Variants in ROBO2 observed in about 807,000 individuals in gnomAD.
ROBO2 encodes the protein roundabout guidance receptor 2.
ROBO2 carries 53 observed loss-of-function variants against 160.8 expected under a neutral mutation model. The ratio of observed to expected loss-of-function variants is 0.33; its 90% CI spans 0.26 to 0.41. The LOEUF (loss-of-function observed/expected upper bound fraction) is 0.41, where lower values mean the gene tolerates loss of function less well. Among genes scored for constraint, ROBO2 ranks in the 10% least tolerant of loss-of-function variants. The probability of loss-of-function intolerance (pLI) is 1.00; values close to 1 mark genes in which losing one functional copy is unlikely to be tolerated. For synonymous variants in ROBO2, 664 were observed against 611.7 expected (o/e 1.09, Z -1.26); for missense variants, 1,577 against 1,722.4 (o/e 0.92, Z 1.49).
chr3:76,075,090 G>A (rs1220269934), intron 2 of ROBO2, among the ~76,000 whole-genome samples: 2 of 152,018 alleles, frequency 1.3e-5, no homozygotes, highest in Non-Finnish European at 2.9e-5. Context: ...ATCCTGCTGA[G>A]TTCTTTGTTG....
At chr3:76,805,519 A>G (rs1411622450) in intron 2 of ROBO2, among the ~76,000 whole-genome samples, 2 of 152,090 alleles carry the variant, frequency 1.3e-5, no homozygotes, top group Admixed American at 1.3e-4. Flanking sequence ...ACACATATGT[A>G]TATATGTAGA....
intron 2 of ROBO2, among the ~76,000 whole-genome samples, chr3:76,273,485 T>C (rs982643278): frequency 6.6e-6 from 1 of 152,070 alleles, no homozygotes; most frequent in African/African-American, 2.4e-5. Flanking sequence ...AGAGGTTTAA[T>C]TGACTCACAG....
intron 2 of ROBO2, among the ~76,000 whole-genome samples, chr3:76,118,947 T>C (rs2070598935): frequency 6.6e-6 from 1 of 152,108 alleles, no homozygotes; most frequent in Non-Finnish European, 1.5e-5. Context: ...AGGGAAAACT[T>C]TATGTTAGCA....
chr3:77,317,238 A>C, intron 2 of ROBO2: 1 of 801,070 alleles, frequency 1.2e-6, no homozygotes, highest in Non-Finnish European at 2.2e-6. Flanking sequence ...AGCCCAGGTT[A>C]ATGTGCTCCC....
chr3:75,925,731 A>G (rs1361301090), intron 1 of ROBO2, among the ~76,000 whole-genome samples: 2 of 152,188 alleles, frequency 1.3e-5, no homozygotes, highest in Admixed American at 6.5e-5. Flanking sequence ...TATGTGTGGG[A>G]CATTATGTTA....
chr3:75,977,180 T>G (rs917358428), intron 2 of ROBO2, among the ~76,000 whole-genome samples: 2 of 151,730 alleles, frequency 1.3e-5, no homozygotes, highest in East Asian at 3.9e-4. Flanking sequence ...AAGGGAATTC[T>G]CACCTGGCCT....
intron 2 of ROBO2, among the ~76,000 whole-genome samples, chr3:76,996,482 TGTGATGAAA>T (rs1489400624): frequency 2.0e-5 from 3 of 152,198 alleles, no homozygotes; most frequent in Middle Eastern, 6.3e-3. Flanking sequence ...TTTCCAATTC[TGTGATGAAA>T]GTCATTGGTA....
At chr3:76,644,200 G>A (rs1433179345) in intron 2 of ROBO2, among the ~76,000 whole-genome samples, 2 of 152,080 alleles carry the variant, frequency 1.3e-5, no homozygotes, top group Non-Finnish European at 2.9e-5. Context: ...GTAGCCCTGA[G>A]CACATTCCCT....
intron 2 of ROBO2, among the ~76,000 whole-genome samples, chr3:76,056,908 TAAAAC>T (rs141101701): frequency 0.025 from 3,874 of 152,250 alleles, 178 homozygotes; most frequent in African/African-American, 0.088. Flanking sequence ...AATCCCTCAT[TAAAAC>T]AAAACAAAAC....
chr3:76,175,186 G>T (rs909727191), intron 2 of ROBO2, among the ~76,000 whole-genome samples: 1 of 151,858 alleles, frequency 6.6e-6, no homozygotes, highest in Admixed American at 6.6e-5. Flanking sequence ...GTATAGGAAC[G>T]CTTGTGATTT....
intron 2 of ROBO2, among the ~76,000 whole-genome samples, chr3:76,862,380 A>G (rs1220165119): frequency 6.6e-6 from 1 of 152,144 alleles, no homozygotes; most frequent in African/African-American, 2.4e-5. Context: ...ATAAATTATC[A>G]GGAGAAAAAC....
At chr3:76,384,036 G>A (rs1012774111) in intron 2 of ROBO2, among the ~76,000 whole-genome samples, 3 of 152,084 alleles carry the variant, frequency 2.0e-5, no homozygotes, top group East Asian at 1.9e-4. Context: ...CCCTGATAAG[G>A]CACTGGAAGA....
At chr3:77,532,117 T>C (rs1173166639) in intron 6 of ROBO2, among the ~76,000 whole-genome samples, 1 of 152,182 alleles carries the variant, frequency 6.6e-6, no homozygotes, top group Non-Finnish European at 1.5e-5. Context: ...CGCGGGTTAC[T>C]TCTCAGGCTG....
intron 2 of ROBO2, among the ~76,000 whole-genome samples, chr3:76,520,246 T>C (rs553943402): frequency 6.6e-6 from 1 of 152,054 alleles, no homozygotes; most frequent in African/African-American, 2.4e-5. Context: ...AGGTCAGGGG[T>C]TCGATACCAG....
At position 77,568,449 on chromosome 3, in the gene ROBO2, G is replaced by A; in HGVS notation, c.1971+15G>A. On this transcript the variant is annotated intron_variant, in intron 13 of 25. Transcript: ENST00000461745. Reference sequence around the variant, plus strand: ...TCACATGGACGGTAAGCTTTCAAAGGCAATGTTAATAGTAATCTCTTCTCT... The same window carrying A: ...TCACATGGACGGTAAGCTTTCAAAGACAATGTTAATAGTAATCTCTTCTCT... 6.2e-7 allele frequency: 1 copy of A among 1,612,360 alleles called. No homozygotes were observed. Among genetic ancestry groups the A allele is most frequent in the East Asian group, 2.2e-5 (1 of 44,792 alleles).
chr3:76,668,070 A>G (rs1164778886), intron 2 of ROBO2, among the ~76,000 whole-genome samples: 1 of 152,150 alleles, frequency 6.6e-6, no homozygotes, highest in Non-Finnish European at 1.5e-5. Flanking sequence ...AAATCCCCAT[A>G]GAGACCAAAA....
At chr3:76,323,309 A>C (rs1024410242) in intron 2 of ROBO2, among the ~76,000 whole-genome samples, 1 of 152,124 alleles carries the variant, frequency 6.6e-6, no homozygotes. Context: ...CTTAAAACTC[A>C]AATAGCCAAA....
At chr3:77,460,756 T>A (rs1302111387) in intron 2 of ROBO2, among the ~76,000 whole-genome samples, 1 of 152,172 alleles carries the variant, frequency 6.6e-6, no homozygotes, top group African/African-American at 2.4e-5. Context: ...CAAATATATA[T>A]CTAGCACTTA....
intron 2 of ROBO2, among the ~76,000 whole-genome samples, chr3:76,225,522 C>T (rs1021450687): frequency 6.6e-6 from 1 of 152,076 alleles, no homozygotes; most frequent in Non-Finnish European, 1.5e-5. Context: ...CAAGACTAGT[C>T]TGGGCAACAT....
Sources: allele counts gnomAD v4.1 joint callset (sites outside exome capture counted in the v4.1 genomes callset), GRCh38; gene constraint gnomAD v4.1.1; transcripts MANE v1.5; gene names NCBI Gene and HGNC (gene_info 2026-07-23, HGNC 2026-07-21).